Variants in NAALADL1 observed in about 807,000 individuals in gnomAD.
The protein encoded by NAALADL1 is N-acetylated alpha-linked acidic dipeptidase like 1.
In NAALADL1, 77 loss-of-function variants were observed where a neutral mutation model predicts 82.8. That is an observed-to-expected ratio of 0.93 (90% CI 0.77 to 1.12). The LOEUF is 1.12. Among genes scored for constraint, NAALADL1 ranks in the 50% most tolerant of loss-of-function variants. The pLI, the probability that NAALADL1 is intolerant of heterozygous loss-of-function variation, is 0.00. For missense variants in NAALADL1, 956 were observed against 964.0 expected (o/e 0.99, Z 0.11); for synonymous variants, 358 against 399.2 (o/e 0.90, Z 1.23).
At chr11:65,050,553 G>T (rs1565229692) in intron 8 of NAALADL1, among the ~76,000 whole-genome samples, 2 of 151,744 alleles carry the variant, frequency 1.3e-5, no homozygotes, top group East Asian at 2.0e-4. Flanking sequence ...ACTTTGGAAG[G>T]CCAGAGCGGG....
chr11:65,060,547 C>T (rs1947170076), upstream of NAALADL1, among the ~76,000 whole-genome samples: 1 of 152,116 alleles, frequency 6.6e-6, no homozygotes, highest in Non-Finnish European at 1.5e-5. Context: ...AAGGATTTAA[C>T]CCCTCAATCA....
rs1946721859 is a variant in NAALADL1, at chr11:65,046,240, C to T, written c.1804G>A (p.Ala602Thr). The change falls in exon 15 of 18, where the codon GCA becomes ACA. Residue 602 changes from alanine to threonine, a missense_variant. Coordinates refer to ENST00000358658, the MANE Select transcript of NAALADL1 (RefSeq NM_005468.3). Reference protein sequence around the residue: ...YSETLRSFLQAAQQDLGALLE... With the variant: ...YSETLRSFLQTAQQDLGALLE... ...AGGGCCCCAAGATCTTGCTGGGCTG[C>T]CTGCAGGAAGCTGCGGAGTGTCTCA... 3.1e-6 allele frequency: 5 copies of T among 1,614,020 alleles called. No individual in the cohort carries two copies. Among genetic ancestry groups the T allele is most frequent in the African/African-American group, 1.3e-5 (1 of 74,938 alleles).
Position 65,048,221 on chromosome 11 carries a change from G to A in NAALADL1, c.1285-6C>T, listed in dbSNP as rs1268488775. 6.2e-7 allele frequency: 1 copy of A among 1,613,922 alleles called. No homozygotes were observed. The highest frequency in any genetic ancestry group is 1.1e-5 in the South Asian group (1 of 91,060). On this transcript the variant is annotated splice_polypyrimidine_tract_variant and splice_region_variant and intron_variant, in intron 9 of 17. Transcript: ENST00000358658. ...TGCAGCTTGTTGAAGAACTCCTGCGGGTGCGAGGGGCGACGTCAGCCCCGC... is the reference window on the plus strand; with the variant it reads ...TGCAGCTTGTTGAAGAACTCCTGCGAGTGCGAGGGGCGACGTCAGCCCCGC...
chr11:65,046,385 G>T (rs199839861), intron 14 of NAALADL1, 23 bp from the exon 15 acceptor site: 6 of 1,614,168 alleles, frequency 3.7e-6, no homozygotes, highest in Non-Finnish European at 5.1e-6. Flanking sequence ...GACAAGGCCA[G>T]GGCTCAGTCT....
At chr11:65,049,626 T>C (rs1946832794) in intron 8 of NAALADL1, among the ~76,000 whole-genome samples, 1 of 152,076 alleles carries the variant, frequency 6.6e-6, no homozygotes, top group African/African-American at 2.4e-5. Flanking sequence ...ATCCCAACAC[T>C]TTGGGAGGCT....
chr11:65,046,841 G>A (rs1946743586), intron 13 of NAALADL1, among the ~76,000 whole-genome samples: 2 of 152,166 alleles, frequency 1.3e-5, no homozygotes, highest in South Asian at 2.1e-4. Context: ...GCTGTGAGGT[G>A]GAGAACATAC....
Position 65,053,421 on chromosome 11 carries a change from G to C in NAALADL1, c.1078+70C>G. On this transcript the variant is annotated intron_variant, in intron 7 of 17. Transcript: ENST00000358658. This position sits in a 1 kb window ranked among gnomAD's most constrained non-coding sequence, Gnocchi z 4.3. Reference sequence around the variant, plus strand: ...TGGGCTGGGTGGTGGCAAGGGCAGGGCTGGATGAGGACAGCGGCATCCAGA... The same window carrying C: ...TGGGCTGGGTGGTGGCAAGGGCAGGCCTGGATGAGGACAGCGGCATCCAGA... The C allele has an allele frequency of 6.2e-7, 1 of 1,612,108 alleles. No homozygotes were observed. Among genetic ancestry groups the C allele is most frequent in the Non-Finnish European group, 8.5e-7 (1 of 1,178,560 alleles).
chr11:65,050,202 G>T (rs1946849213), intron 8 of NAALADL1, among the ~76,000 whole-genome samples: 2 of 152,016 alleles, frequency 1.3e-5, no homozygotes, highest in Non-Finnish European at 2.9e-5. Flanking sequence ...TGTGGGGGCT[G>T]GCGCGGTGAC....
chr11:65,049,708 C>T (rs1217855826), intron 8 of NAALADL1, among the ~76,000 whole-genome samples: 2 of 152,000 alleles, frequency 1.3e-5, no homozygotes, highest in Admixed American at 1.3e-4. Context: ...CTTGTCTCTA[C>T]AAAAAGTAAA....
upstream of NAALADL1, among the ~76,000 whole-genome samples, chr11:65,060,123 C>CGTGTGT (rs139317710): frequency 3.7e-4 from 54 of 147,472 alleles, 2 homozygotes; most frequent in Admixed American, 1.6e-3. Flanking sequence ...CAGGGCAGAG[C>CGTGTGT]GTGTGTGTGT....
At chr11:65,045,552 G>A (rs1288118089) in intron 17 of NAALADL1, 95 bp from the exon 18 acceptor site, 17 of 1,338,238 alleles carry the variant, frequency 1.3e-5, no homozygotes, top group African/African-American at 2.9e-5. Flanking sequence ...TGTACGCAGC[G>A]AGGCAGAAAA....
chr11:65,054,616 T>C lies in NAALADL1; in HGVS notation c.726A>G (p.Ser242=), dbSNP rs1443552670. Residue 242 remains serine (S), a synonymous_variant, in exon 5 of 18, where the codon TCA becomes TCG. Transcript: ENST00000358658. The surrounding 1 kb of genome is among the most constrained non-coding windows in gnomAD (Gnocchi z 4.3). ...TFPNSWYLPP[S]GVERGSYYEY... is the part of the protein sequence containing the mutation. ...CGTAGTAGGAGCCTCGCTCCACTCC[T>C]GAGGGGGGCAGGTACCAGGAGTTGG... 6.2e-7 allele frequency: 1 copy of C among 1,613,884 alleles called. No homozygotes were observed. The highest frequency in any genetic ancestry group is 1.1e-5 in the South Asian group (1 of 91,050).
intron 8 of NAALADL1, among the ~76,000 whole-genome samples, chr11:65,051,366 C>CTTTTTTTTTT (rs1946885699): frequency 1.3e-5 from 1 of 79,786 alleles, no homozygotes; most frequent in Non-Finnish European, 2.5e-5. Flanking sequence ...AGACAGGGTC[C>CTTTTTTTTTT]TTTTCTGTTG....
At position 65,046,112 on chromosome 11, in the gene NAALADL1, G is replaced by T; in HGVS notation, c.1858C>A (p.Pro620Thr). The T allele has an allele frequency of 6.2e-7, 1 of 1,614,146 alleles. No homozygotes were observed. Among genetic ancestry groups the T allele is most frequent in the Non-Finnish European group, 8.5e-7 (1 of 1,180,032 alleles). Residue 620 changes from proline (P) to threonine (T), a missense_variant and splice_region_variant, in exon 16 of 18, where the codon CCT (proline) becomes ACT (threonine). Pro to Thr is a conservative substitution (Grantham distance 38). Coordinates refer to ENST00000358658, the MANE Select transcript of NAALADL1 (RefSeq NM_005468.3). ...AACTTCTCCACTGCAGTCACCAGAG[G>T]CCCTGTGAGGAACAAGCAGTGGCTC... ...LLEQHSISLG[P>T]LVTAVEKFEA...
At position 65,053,418 on chromosome 11, in the gene NAALADL1, AG is replaced by A; in HGVS notation, c.1078+72del. 2.5e-6 allele frequency: 4 copies of A among 1,612,436 alleles called. No homozygotes were observed. The highest frequency in any genetic ancestry group is 3.4e-6 in the Non-Finnish European group (4 of 1,178,942). ...AGCTGGGCTGGGTGGTGGCAAGGGCAGGGCTGGATGAGGACAGCGGCATCCA... is the reference window on the plus strand; with the variant it reads ...AGCTGGGCTGGGTGGTGGCAAGGGCAGGCTGGATGAGGACAGCGGCATCCA... On this transcript the variant is annotated intron_variant, in intron 7 of 17. Transcript: ENST00000358658. This position sits in a 1 kb window ranked among gnomAD's most constrained non-coding sequence, Gnocchi z 4.3.
Position 65,058,409 on chromosome 11 carries a change from T to TG in NAALADL1, c.112dup (p.Gln38ProfsTer40), listed in dbSNP as rs1947108331. On this transcript the variant is annotated frameshift_variant, in exon 1 of 18. Coordinates refer to ENST00000358658, the MANE Select transcript of NAALADL1 (RefSeq NM_005468.3). LOFTEE classifies it high-confidence loss of function. ...CTCCAGGATCTCCAGGTCCAGGTCC[T>TG]GGGGGGCCAGTGAGTTGGCTTTTTT... 6.2e-7 allele frequency: 1 copy of TG among 1,613,990 alleles called. No homozygotes were observed. The highest frequency in any genetic ancestry group is 1.3e-5 in the African/African-American group (1 of 74,920).
chr11:65,055,143 T>A (rs1947004291), intron 4 of NAALADL1, among the ~76,000 whole-genome samples: 1 of 152,228 alleles, frequency 6.6e-6, no homozygotes, highest in African/African-American at 2.4e-5. Context: ...GGCTCACGCC[T>A]GTAATCCCAA....
chr11:65,060,767 T>G (rs900590565), upstream of NAALADL1, among the ~76,000 whole-genome samples: 10 of 152,184 alleles, frequency 6.6e-5, no homozygotes, highest in African/African-American at 2.4e-4. Flanking sequence ...CTTTGCTGTG[T>G]GGGTGGTATG....
In NAALADL1 at chr11:65,057,939, C is replaced by T; in HGVS notation, c.416G>A (p.Gly139Glu). 6.2e-7 allele frequency: 1 copy of T among 1,614,128 alleles called. No homozygotes were observed. The highest frequency in any genetic ancestry group is 8.5e-7 in the Non-Finnish European group (1 of 1,179,990). The change falls in exon 3 of 18, where the codon GGG (glycine) becomes GAG (glutamate). Residue 139 changes from glycine to glutamate, a missense_variant. Gly to Glu is a moderately conservative substitution (Grantham distance 98). Coordinates refer to ENST00000358658, the MANE Select transcript of NAALADL1 (RefSeq NM_005468.3). ...SCHRTEENVT[G>E]EQGGPDVVQP... is the part of the protein sequence containing the mutation. The stretch of plus-strand genomic sequence containing the variant: ...TACCACATCTGGCCCCCCTTGCTCC[C>T]CGGTCACGTTCTCCTCAGTCCGGTG...
Sources: gnomAD v4.1 joint callset for allele counts (sites outside exome capture counted in the v4.1 genomes callset) on GRCh38, gnomAD v4.1.1 for gene constraint, Gnocchi (gnomAD v3.1) non-coding constraint, MANE v1.5 for transcripts, NCBI Gene and HGNC (gene_info 2026-07-23, HGNC 2026-07-21) for gene names.